Variants in RFX7 observed in about 807,000 individuals in gnomAD.
RFX7 encodes the protein regulatory factor X7.
In RFX7, 26 loss-of-function variants were observed where a neutral mutation model predicts 111.8. The ratio of observed to expected loss-of-function variants is 0.23; its 90% CI spans 0.17 to 0.32. The LOEUF (loss-of-function observed/expected upper bound fraction) is 0.32. RFX7 is among the 10% of genes least tolerant of loss of function. The pLI, the probability that RFX7 is intolerant of heterozygous loss-of-function variation, is 1.00. For missense variants in RFX7, 1,573 were observed against 1,772.9 expected (o/e 0.89, Z 2.02); for synonymous variants, 624 against 624.4 (o/e 1.00, Z 0.01).
Position 56,095,362 on chromosome 15 carries a change from G to A in RFX7, c.2366C>T (p.Ser789Phe). 1 of 1,613,798 alleles carries A rather than the reference G, an allele frequency of 6.2e-7. No individual in the cohort carries two copies. The highest frequency in any genetic ancestry group is 1.1e-5 in the South Asian group (1 of 91,070). Residue 789 changes from serine (S) to phenylalanine (F), a missense_variant, in exon 10 of 10, where the codon TCT becomes TTT. This residue lies in a region of RFX7 where 625 missense variants were observed against 632.2 expected (regional missense o/e 0.99). Transcript: ENST00000559447. ...PNGWQQITKDSEFISASCEQQ... is the reference protein window; with the variant it reads ...PNGWQQITKDFEFISASCEQQ... ...TTCACAACTGGCAGATATAAACTCA[G>A]AATCTTTAGTGATTTGTTGCCATCC...
In RFX7 at chr15:56,096,735, G is replaced by C. The variant is rs1043865588; in HGVS notation, c.1108-115C>G. On this transcript the variant is annotated intron_variant, in intron 9 of 9. Coordinates refer to ENST00000559447, the MANE Select transcript of RFX7 (RefSeq NM_022841.7). ...AAATGTTAATGTTAAAAAGAAAAAAGTTCCTATGTTAGAAGAGAGTTCTTC... is the reference window on the plus strand; with the variant it reads ...AAATGTTAATGTTAAAAAGAAAAAACTTCCTATGTTAGAAGAGAGTTCTTC... The C allele has an allele frequency of 1.6e-5, 19 of 1,170,102 alleles. No individual in the cohort carries two copies. The African/African-American group carries it at 2.5e-4, about 15-fold the overall frequency. 72.5% of individuals were successfully genotyped at this position (1,170,102 alleles called of 1,614,324 possible).
At position 56,165,729 on chromosome 15, in the gene RFX7, G is replaced by C. The variant is rs546791501; in HGVS notation, c.195+13541C>G. ...AAGTTACCAAAAATATAGGCTACCT[G>C]CATTTTTTAAACCTAGAAATAGCTG... On this transcript the variant is annotated intron_variant, in intron 3 of 9. Transcript: ENST00000559447. 9.5e-4 allele frequency among the ~76,000 whole-genome samples: 145 copies of C among 152,226 alleles called. 6 individuals are homozygous for C. The South Asian group carries it at 0.029, about 31-fold the overall frequency.
chr15:56,151,328 A>G (rs2042566408), intron 3 of RFX7, among the ~76,000 whole-genome samples: 1 of 152,242 alleles, frequency 6.6e-6, no homozygotes, highest in South Asian at 2.1e-4. Flanking sequence ...GGTTACCCAC[A>G]AAGGGAAGCC....
At position 56,243,768 on chromosome 15, in the gene RFX7, G is replaced by A. The variant is rs2043755078; in HGVS notation, c.-326C>T. ...CCGTGCTGCTGCAGCCCCAGGCACC[G>A]CTCCACGCCACTCCCCACGCCGCCG... is the stretch of plus-strand genomic sequence containing the variant. On this transcript the variant is annotated 5_prime_UTR_variant, in exon 1 of 10. Transcript: ENST00000559447. Among the ~76,000 whole-genome samples the A allele has an allele frequency of 6.7e-6, 1 of 149,784 alleles. No homozygotes were observed. The highest frequency in any genetic ancestry group is 1.5e-5 in the Non-Finnish European group (1 of 67,152).
chr15:56,213,917 C>T (rs2043336928), intron 2 of RFX7, among the ~76,000 whole-genome samples: 1 of 152,096 alleles, frequency 6.6e-6, no homozygotes, highest in African/African-American at 2.4e-5. Flanking sequence ...TCTTTGTCAC[C>T]TACAATTGAT....
intron 2 of RFX7, among the ~76,000 whole-genome samples, chr15:56,207,687 T>G (rs767592068): frequency 4.0e-4 from 61 of 152,154 alleles, no homozygotes; most frequent in Middle Eastern, 3.2e-3. Context: ...TACAAAAGAC[T>G]GTTAAGCAGA....
intron 2 of RFX7, among the ~76,000 whole-genome samples, chr15:56,216,875 T>C (rs2043367591): frequency 6.7e-6 from 1 of 148,274 alleles, no homozygotes; most frequent in African/African-American, 2.4e-5. Flanking sequence ...CAGACTGGTC[T>C]CAAATTCCTG....
At chr15:56,193,498 C>T (rs184878655) in intron 2 of RFX7, among the ~76,000 whole-genome samples, 35 of 152,060 alleles carry the variant, frequency 2.3e-4, no homozygotes, top group African/African-American at 8.0e-4. Flanking sequence ...CATTGAACTT[C>T]CTGTTTTGCT....
intron 8 of RFX7, among the ~76,000 whole-genome samples, chr15:56,099,791 T>G (rs2041729362): frequency 6.6e-6 from 1 of 152,216 alleles, no homozygotes; most frequent in Non-Finnish European, 1.5e-5. Flanking sequence ...TCAGGCTGAT[T>G]GCTTTCAAAA....
At chr15:56,138,516 C>T (rs1277356058) in intron 5 of RFX7, among the ~76,000 whole-genome samples, 367 of 148,936 alleles carry the variant, frequency 2.5e-3, no homozygotes, top group Middle Eastern at 3.4e-3. Flanking sequence ...TGTCTCTGCA[C>T]GTGAGATGGG....
At chr15:56,102,612 C>T (rs1318025479) in intron 6 of RFX7, among the ~76,000 whole-genome samples, 1 of 152,158 alleles carries the variant, frequency 6.6e-6, no homozygotes, top group East Asian at 1.9e-4. Flanking sequence ...AAACTTCAGC[C>T]CAGGGCTCTG....
Position 56,094,915 on chromosome 15 carries a change from A to T in RFX7, c.2813T>A (p.Ile938Asn), listed in dbSNP as rs1317641198. The change falls in exon 10 of 10, where the codon ATC becomes AAC. Residue 938 changes from isoleucine (I) to asparagine (N), a missense_variant. Ile to Asn is a moderately radical substitution (Grantham distance 149). Around this residue, in one of 7 missense-constraint regions of RFX7, gnomAD observed 625 missense variants for 632.2 expected, o/e 0.99. Transcript: ENST00000559447. ...GTGGATTGGAGTGCCATTGCTGTGG[A>T]TTGGATGATAGAAGTGGGTGCTGGA... ...HTSSTHFYHP[I>N]HSNGTPIHTP... 6.3e-7 allele frequency: 1 copy of T among 1,583,314 alleles called. No homozygotes were observed. Among genetic ancestry groups the T allele is most frequent in the Non-Finnish European group, 8.6e-7 (1 of 1,164,706 alleles).
At chr15:56,241,799 A>G (rs1354290175) in intron 2 of RFX7, among the ~76,000 whole-genome samples, 1 of 152,188 alleles carries the variant, frequency 6.6e-6, no homozygotes, top group African/African-American at 2.4e-5. Flanking sequence ...TCAAAGCCAA[A>G]AAAATTCTCC....
At chr15:56,141,049 A>T (rs973136562) in intron 5 of RFX7, among the ~76,000 whole-genome samples, 3 of 152,190 alleles carry the variant, frequency 2.0e-5, no homozygotes, top group Non-Finnish European at 4.4e-5. Flanking sequence ...TATTTGCCCA[A>T]TGTGCCTTTT....
Position 56,096,012 on chromosome 15 carries a change from T to C in RFX7, c.1716A>G (p.Lys572=). 6.2e-7 allele frequency: 1 copy of C among 1,612,956 alleles called. No individual in the cohort carries two copies. The highest frequency in any genetic ancestry group is 8.5e-7 in the Non-Finnish European group (1 of 1,179,464). The change falls in exon 10 of 10, where the codon AAA becomes AAG. Residue 572 remains lysine (K), a synonymous_variant. Coordinates refer to ENST00000559447, the MANE Select transcript of RFX7 (RefSeq NM_022841.7). The part of the protein sequence containing the change: ...PQTPSALLGQ[K]SNTDGALQKP... ...TCTGCAGTGCTCCGTCTGTATTACT[T>C]TTCTGCCCCAAAAGGGCACTAGGTG...
chr15:56,140,580 G>A (rs755919460), intron 5 of RFX7, among the ~76,000 whole-genome samples: 2 of 152,128 alleles, frequency 1.3e-5, no homozygotes, highest in Non-Finnish European at 2.9e-5. Flanking sequence ...CGTCTTCTGC[G>A]TCACTCAGGC....
At chr15:56,148,551 GC>G (rs2042519045) in intron 3 of RFX7, among the ~76,000 whole-genome samples, 1 of 152,138 alleles carries the variant, frequency 6.6e-6, no homozygotes, top group South Asian at 2.1e-4. Flanking sequence ...ATCCTGCCAC[GC>G]AACCCCCTTC....
intron 5 of RFX7, among the ~76,000 whole-genome samples, chr15:56,128,628 C>T (rs1386163252): frequency 6.6e-6 from 1 of 152,192 alleles, no homozygotes; most frequent in Middle Eastern, 3.4e-3. Flanking sequence ...TGAAAGCTTT[C>T]CTCTTTGTAT....
intron 3 of RFX7, among the ~76,000 whole-genome samples, chr15:56,169,970 C>A (rs2042828167): frequency 6.6e-6 from 1 of 151,518 alleles, no homozygotes; most frequent in Non-Finnish European, 1.5e-5. Context: ...TACTTATTGG[C>A]AAACCAGGAG....
Sources: gnomAD v4.1 joint callset for allele counts (sites outside exome capture counted in the v4.1 genomes callset) on GRCh38, gnomAD v4.1.1 for gene constraint, gnomAD v4.1.1 regional missense constraint, MANE v1.5 for transcripts, NCBI Gene and HGNC (gene_info 2026-07-23, HGNC 2026-07-21) for gene names.